Variants in NTRK3 observed in about 807,000 individuals in gnomAD.
The protein encoded by NTRK3 is neurotrophic receptor tyrosine kinase 3.
NTRK3 carries 24 observed loss-of-function variants against 91.7 expected under a neutral mutation model. The observed-to-expected ratio is 0.26, with a 90% CI of 0.19 to 0.37. The LOEUF (loss-of-function observed/expected upper bound fraction) is 0.37. Ranked by LOEUF, NTRK3 falls within the 10% of genes least tolerant of loss-of-function variation. NTRK3 has a pLI of 1.00. For missense variants in NTRK3, 880 were observed against 1,068.9 expected, an observed-to-expected ratio of 0.82 and a Z score of 2.46; for synonymous variants, 483 against 404.0, an observed-to-expected ratio of 1.20 and a Z score of -2.34.
intron 3 of NTRK3, among the ~76,000 whole-genome samples, chr15:88,195,407 TAAAC>T (rs147194575): frequency 0.015 from 2,233 of 152,320 alleles, 56 homozygotes; most frequent in African/African-American, 0.043. Flanking sequence ...AAATTTTAAA[TAAAC>T]AAATTAATAA....
chr15:88,004,663 C>G (rs546350893), intron 14 of NTRK3, among the ~76,000 whole-genome samples: 1 of 152,176 alleles, frequency 6.6e-6, no homozygotes, highest in South Asian at 2.1e-4. Flanking sequence ...GGGCAAGAAA[C>G]AAATAAGACA....
chr15:87,998,479 G>T (rs1425200563), intron 14 of NTRK3, among the ~76,000 whole-genome samples: 1 of 152,350 alleles, frequency 6.6e-6, no homozygotes, highest in African/African-American at 2.4e-5. Context: ...TCTATACAGT[G>T]GCTGTTGTAG....
At chr15:87,992,205 G>A (rs141361651) in intron 14 of NTRK3, among the ~76,000 whole-genome samples, 13 of 152,252 alleles carry the variant, frequency 8.5e-5, no homozygotes, top group African/African-American at 3.1e-4. Flanking sequence ...CTGCCATCCT[G>A]ATATTGACAT....
At chr15:88,109,171 GCAGAT>G (rs1257913295) in intron 13 of NTRK3, among the ~76,000 whole-genome samples, 1 of 152,220 alleles carries the variant, frequency 6.6e-6, no homozygotes, top group Non-Finnish European at 1.5e-5. Flanking sequence ...AGAACAGGTG[GCAGAT>G]CACTGGCGAG....
intron 17 of NTRK3, among the ~76,000 whole-genome samples, chr15:87,905,263 A>G (rs770529997): frequency 2.2e-4 from 34 of 152,224 alleles, no homozygotes; most frequent in Non-Finnish European, 4.4e-4. Flanking sequence ...AACTCCAAGG[A>G]AAGTATAGCA....
chr15:87,885,459 A>G (rs2065482618), intron 17 of NTRK3, among the ~76,000 whole-genome samples: 1 of 151,904 alleles, frequency 6.6e-6, no homozygotes, highest in Admixed American at 6.6e-5. Flanking sequence ...ATATACTTGA[A>G]ATAGAACAAT....
intron 17 of NTRK3, among the ~76,000 whole-genome samples, chr15:87,888,778 T>A (rs1351667815): frequency 2.0e-5 from 3 of 152,208 alleles, no homozygotes; most frequent in African/African-American, 7.2e-5. Flanking sequence ...TTGGCTTTTT[T>A]TTTTGTCTAA....
In NTRK3 at chr15:87,940,610, C is replaced by G. The variant is rs150289340; in HGVS notation, c.1716+13G>C. 1.2e-6 allele frequency: 2 copies of G among 1,613,438 alleles called. No homozygotes were observed. Among genetic ancestry groups the G allele is most frequent in the East Asian group, 2.2e-5 (1 of 44,870 alleles). On this transcript the variant is annotated intron_variant, in intron 15 of 18. Coordinates refer to ENST00000394480, the Ensembl canonical transcript of NTRK3. The stretch of plus-strand genomic sequence containing the variant: ...AGCCCTCCTCCTGGTGCCGGCATGC[C>G]TCTGGGGTTTACCTTCACAGCCACA...
At chr15:87,885,648 TG>T in intron 17 of NTRK3, 45 bp downstream of exon 18, 2 of 1,020,586 alleles carry the variant, frequency 2.0e-6, no homozygotes, top group South Asian at 1.7e-5. Flanking sequence ...ATTAAAGTGT[TG>T]GGACAATGAA....
chr15:88,062,526 G>T (rs2046309467), intron 13 of NTRK3, among the ~76,000 whole-genome samples: 1 of 152,148 alleles, frequency 6.6e-6, no homozygotes, highest in Non-Finnish European at 1.5e-5. Flanking sequence ...CACATGAAAT[G>T]CTGATGCAAT....
intron 14 of NTRK3, among the ~76,000 whole-genome samples, chr15:87,990,871 G>T (rs762617068): frequency 6.6e-6 from 1 of 152,112 alleles, no homozygotes; most frequent in Non-Finnish European, 1.5e-5. Context: ...CATACCATTT[G>T]TTTTCATCCC....
chr15:88,032,472 G>A (rs2078633252), intron 14 of NTRK3, among the ~76,000 whole-genome samples: 1 of 152,128 alleles, frequency 6.6e-6, no homozygotes, highest in Non-Finnish European at 1.5e-5. Context: ...GGAGGCTTGG[G>A]TGGAGGTTCT....
At chr15:88,142,511 T>C in intron 6 of NTRK3, among the ~76,000 whole-genome samples, 1 of 152,198 alleles carries the variant, frequency 6.6e-6, no homozygotes, top group East Asian at 1.9e-4. Flanking sequence ...GTCATCACTC[T>C]AGTGGTTTTC....
intron 17 of NTRK3, among the ~76,000 whole-genome samples, chr15:87,901,973 C>T (rs1159257528): frequency 6.6e-6 from 1 of 152,036 alleles, no homozygotes; most frequent in Non-Finnish European, 1.5e-5. Context: ...TGTTTTAAGG[C>T]ATGTAAATTG....
chr15:88,233,009 C>T lies in NTRK3; in HGVS notation c.248+22897G>A, dbSNP rs1416283896. Reference sequence around the variant, plus strand: ...CCCAGACCCTCCCCCCAGCCCAGAGCGAAAGTTTGACTAAAGCTCAGTGTC... The same window carrying T: ...CCCAGACCCTCCCCCCAGCCCAGAGTGAAAGTTTGACTAAAGCTCAGTGTC... On this transcript the variant is annotated intron_variant, in intron 3 of 18. Coordinates refer to ENST00000394480, the Ensembl canonical transcript of NTRK3. The surrounding 1 kb of genome is among the most constrained non-coding windows in gnomAD (Gnocchi z 4.2). Among the ~76,000 whole-genome samples, 3 of 152,086 alleles carry T rather than the reference C, an allele frequency of 2.0e-5. No homozygotes were observed. The highest frequency in any genetic ancestry group is 1.9e-4 in the East Asian group (1 of 5,168).
chr15:87,940,865 A>G, intron 14 of NTRK3, 112 bp from the exon 15 acceptor site: 4 of 1,423,442 alleles, frequency 2.8e-6, no homozygotes, highest in Non-Finnish European at 3.0e-6. Flanking sequence ...AGCCTACAGC[A>G]GGCAAAGGCA....
At chr15:87,957,415 G>C (rs1033954999) in intron 14 of NTRK3, among the ~76,000 whole-genome samples, 6 of 152,146 alleles carry the variant, frequency 3.9e-5, no homozygotes, top group Admixed American at 2.6e-4. Flanking sequence ...TAAGAGATTG[G>C]GCTGGACTCC....
chr15:88,036,283 C>A lies in NTRK3; in HGVS notation c.1397-3238G>T, dbSNP rs921902513. Reference sequence around the variant, plus strand: ...AGAGAAGATGCTAAGAGCTTCCAGGCAAGAGGGATACATTTATAAAGGAAC... The same window carrying A: ...AGAGAAGATGCTAAGAGCTTCCAGGAAAGAGGGATACATTTATAAAGGAAC... On this transcript the variant is annotated intron_variant, in intron 13 of 18. Transcript: ENST00000394480. Among the ~76,000 whole-genome samples the A allele has an allele frequency of 1.3e-4, 19 of 151,920 alleles. 1 individual carries two copies. The highest frequency in any genetic ancestry group is 1.3e-4 in the Admixed American group (2 of 15,256).
chr15:88,183,103 G>A lies in NTRK3; in HGVS notation c.395+315C>T, dbSNP rs116674131. ...GAAGTATAGTATTCACATTACATAT[G>A]AGTGGAATTCCCTATCATTTACGTT... On this transcript the variant is annotated intron_variant, in intron 5 of 18. Coordinates refer to ENST00000394480, the Ensembl canonical transcript of NTRK3. Among the ~76,000 whole-genome samples, 1,071 of 139,118 alleles carry A rather than the reference G, an allele frequency of 7.7e-3. 20 individuals are homozygous for A. Among genetic ancestry groups the A allele is most frequent in the African/African-American group, 0.027 (1,013 of 37,400 alleles). The allele number at this position is 139,118 out of a possible 152,430, so 91.3% of individuals were successfully genotyped here.
Sources: allele counts gnomAD v4.1 joint callset (sites outside exome capture counted in the v4.1 genomes callset), GRCh38; gene constraint gnomAD v4.1.1; non-coding constraint Gnocchi (gnomAD v3.1); transcripts MANE v1.5; gene names NCBI Gene and HGNC (gene_info 2026-07-23, HGNC 2026-07-21).